Variants in UBAP2 observed in about 807,000 individuals in gnomAD.
UBAP2 encodes the protein ubiquitin associated protein 2.
UBAP2 carries 75 observed loss-of-function variants against 139.6 expected under a neutral mutation model. The observed-to-expected ratio is 0.54, with a 90% CI of 0.45 to 0.65. UBAP2 has a LOEUF of 0.65. UBAP2 is among the 30% of genes least tolerant of loss of function. UBAP2 has a pLI of 0.00. For missense variants in UBAP2, 1,368 were observed against 1,369.6 expected (o/e 1.00, Z 0.02); for synonymous variants, 526 against 526.2 (o/e 1.00, Z 0.01).
At chr9:34,012,582 T>C (rs370167661) in intron 2 of UBAP2, among the ~76,000 whole-genome samples, 3 of 151,450 alleles carry the variant, frequency 2.0e-5, no homozygotes, top group East Asian at 1.9e-4. Context: ...GTATGGTCTG[T>C]AGATGTTCTG....
chr9:34,036,788 A>G (rs1034603136), intron 1 of UBAP2, among the ~76,000 whole-genome samples: 5 of 150,640 alleles, frequency 3.3e-5, no homozygotes, highest in Non-Finnish European at 5.9e-5. Flanking sequence ...CAGAGAATAT[A>G]CTACCTTAAG....
chr9:33,934,299 G>A (rs1824264320), intron 17 of UBAP2: 1 of 156,092 alleles, frequency 6.4e-6, no homozygotes, highest in Middle Eastern at 5.2e-4. Context: ...CCTAGCTGTG[G>A]AAAGACTCAG....
chr9:34,017,096 T>A lies in UBAP2; in HGVS notation c.53A>T (p.Gln18Leu). 6.2e-7 allele frequency: 1 copy of A among 1,612,530 alleles called. No homozygotes were observed. Among genetic ancestry groups the A allele is most frequent in the Non-Finnish European group, 8.5e-7 (1 of 1,179,636 alleles). The change falls in exon 2 of 29, where the codon CAG becomes CTG. Residue 18 changes from glutamine to leucine, a missense_variant. Transcript: ENST00000379238. ...TTGCGTTGATTGTGCTGCTGAAATCTGTGGTTTTTCCCGAGCACCTCGACA... is the reference window on the plus strand; with the variant it reads ...TTGCGTTGATTGTGCTGCTGAAATCAGTGGTTTTTCCCGAGCACCTCGACA... The part of the protein sequence containing the change: ...DHCRGAREKP[Q>L]ISAAQSTQPQ...
intron 2 of UBAP2, among the ~76,000 whole-genome samples, chr9:34,012,185 CAA>C (rs1381603355): frequency 4.6e-5 from 7 of 152,062 alleles, no homozygotes; most frequent in Non-Finnish European, 8.8e-5. Context: ...CATAAATTCA[CAA>C]GAGAGTTGAC....
chr9:33,983,637 T>A (rs901393418), intron 6 of UBAP2, among the ~76,000 whole-genome samples: 2 of 152,196 alleles, frequency 1.3e-5, no homozygotes, highest in Non-Finnish European at 2.9e-5. Flanking sequence ...TTTTATTCTT[T>A]CTTTTTGTTA....
chr9:33,923,766 G>A, intron 24 of UBAP2, 29 bp downstream of exon 24: 1 of 1,608,670 alleles, frequency 6.2e-7, no homozygotes, highest in Non-Finnish European at 8.5e-7. Flanking sequence ...AAGGCCAGGA[G>A]ACACAGTCAC....
chr9:33,981,247 TATATATATATATTCTGG>T (rs1587607899), intron 6 of UBAP2, among the ~76,000 whole-genome samples: 3 of 108,690 alleles, frequency 2.8e-5, no homozygotes, highest in African/African-American at 7.8e-5. Flanking sequence ...ATATTCTGGA[TATATATATATATTCTGG>T]ATATATATAT....
intron 6 of UBAP2, among the ~76,000 whole-genome samples, chr9:33,977,090 G>A (rs1820197767): frequency 6.7e-6 from 1 of 148,592 alleles, no homozygotes; most frequent in South Asian, 2.2e-4. Context: ...CCAGGCTGGA[G>A]TGCAGTGGCG....
rs191302736 is a variant in UBAP2, at chr9:33,966,934, G to A, written c.680-3143C>T. On this transcript the variant is annotated intron_variant, in intron 8 of 28. Coordinates refer to ENST00000379238, the MANE Select transcript of UBAP2 (RefSeq NM_001370062.2). ...TCAGTGGGGAAAATTTACATGAGAC[G>A]GACCACCGTGAATTAATAAATTCAA... 1.1e-4 allele frequency among the ~76,000 whole-genome samples: 16 copies of A among 150,404 alleles called. No homozygotes were observed. In the East Asian group the frequency reaches 2.1e-3, roughly 20 times the overall value.
intron 1 of UBAP2, among the ~76,000 whole-genome samples, chr9:34,022,571 G>T (rs1825055242): frequency 6.6e-6 from 1 of 151,674 alleles, no homozygotes; most frequent in Admixed American, 6.6e-5. Context: ...AAGTAGCTGG[G>T]ACTATAGGTA....
rs945679802 is a variant in UBAP2, at chr9:33,958,991, A to C, written c.798+1835T>G. On this transcript the variant is annotated intron_variant, in intron 10 of 28. Transcript: ENST00000379238. ...TGGTGAAACCCCGTCTCTACTAAAAATACAAACATTGGCCAGGCATGGTGG... is the reference window on the plus strand; with the variant it reads ...TGGTGAAACCCCGTCTCTACTAAAACTACAAACATTGGCCAGGCATGGTGG... 8.6e-5 allele frequency among the ~76,000 whole-genome samples: 13 copies of C among 151,888 alleles called. 1 individual carries two copies. The highest frequency in any genetic ancestry group is 1.5e-4 in the Non-Finnish European group (10 of 67,944).
intron 1 of UBAP2, among the ~76,000 whole-genome samples, chr9:34,029,885 G>A (rs1037246800): frequency 1.8e-4 from 27 of 151,952 alleles, no homozygotes; most frequent in African/African-American, 6.0e-4. Flanking sequence ...TACTCGGGAG[G>A]CTGAGGCAAG....
At chr9:33,965,317 T>C (rs1017541368) in intron 8 of UBAP2, among the ~76,000 whole-genome samples, 5 of 152,184 alleles carry the variant, frequency 3.3e-5, no homozygotes, top group Non-Finnish European at 5.9e-5. Flanking sequence ...TATTACTGAA[T>C]TGTGAGAGTT....
At chr9:34,009,460 A>G (rs1484911858) in intron 2 of UBAP2, among the ~76,000 whole-genome samples, 1 of 152,096 alleles carries the variant, frequency 6.6e-6, no homozygotes, top group Non-Finnish European at 1.5e-5. Flanking sequence ...GGGTCTCGCT[A>G]CTTGGCCCAG....
intron 6 of UBAP2, among the ~76,000 whole-genome samples, chr9:33,985,758 A>G (rs976909097): frequency 5.3e-5 from 8 of 152,130 alleles, no homozygotes; most frequent in African/African-American, 1.9e-4. Context: ...TCGGTGGCTC[A>G]TGCCTGTAAT....
rs1177593994 is a variant in UBAP2 at position 33,923,835 on chromosome 9, G to A, written c.2756C>T (p.Thr919Ile). 1 of 1,614,260 alleles carries A rather than the reference G, an allele frequency of 6.2e-7. No homozygotes were observed. Residue 919 changes from threonine to isoleucine, a missense_variant, in exon 24 of 29, where the codon ACA (threonine) becomes ATA (isoleucine). Physicochemically the swap from Thr to Ile is moderately conservative, Grantham distance 89 (BLOSUM62 -1). Coordinates refer to ENST00000379238, the MANE Select transcript of UBAP2 (RefSeq NM_001370062.2). ...ATACTGGAAGGCACTGGGCATGCCT[G>A]TGTAGTAGGGAAGACCAGTGTAGCT... ...GYSYTGLPYY[T>I]GMPSAFQYGP...
At chr9:33,952,125 G>A (rs567541814) in intron 12 of UBAP2, among the ~76,000 whole-genome samples, 1 of 152,310 alleles carries the variant, frequency 6.6e-6, no homozygotes, top group South Asian at 2.1e-4. Flanking sequence ...TGACTCGGGA[G>A]AAAATTCTGT....
intron 2 of UBAP2, among the ~76,000 whole-genome samples, chr9:34,002,612 A>G (rs1194447151): frequency 6.6e-6 from 1 of 151,892 alleles, no homozygotes; most frequent in Non-Finnish European, 1.5e-5. Flanking sequence ...TCCTGACCTC[A>G]TGATCCGCCC....
In UBAP2 at chr9:33,922,849, C is replaced by T; in HGVS notation, c.3102G>A (p.Gly1034=). 3 of 1,585,930 alleles carry T rather than the reference C, an allele frequency of 1.9e-6. No individual in the cohort carries two copies. The highest frequency in any genetic ancestry group is 1.3e-5 in the African/African-American group (1 of 74,464). Reference sequence around the variant, plus strand: ...AGGGCAGGCTGAAAGGTGGAGGCGTCCCTGCATGAAATCCCTGCTTGTCAA... The same window carrying T: ...AGGGCAGGCTGAAAGGTGGAGGCGTTCCTGCATGAAATCCCTGCTTGTCAA... The part of the protein sequence containing the change: ...QTFDKQGFHA[G]TPPPFSLPSV... The change falls in exon 28 of 29, where the codon GGG becomes GGA. Residue 1034 remains glycine, a synonymous_variant. Transcript: ENST00000379238.
Sources: allele counts gnomAD v4.1 joint callset (sites outside exome capture counted in the v4.1 genomes callset), GRCh38; gene constraint gnomAD v4.1.1; transcripts MANE v1.5; gene names NCBI Gene and HGNC (gene_info 2026-07-23, HGNC 2026-07-21).